Variants in GLRA2 observed in about 807,000 individuals in gnomAD.
GLRA2 encodes glycine receptor subunit alpha-2.
Under a neutral mutation model 31.6 loss-of-function variants are expected in GLRA2, and 11 were observed. That is an observed-to-expected ratio of 0.35 (90% CI 0.22 to 0.58). The LOEUF (loss-of-function observed/expected upper bound fraction) is 0.58, where lower values mean the gene tolerates loss of function less well. Among genes scored for constraint, GLRA2 ranks in the 20% least tolerant of loss-of-function variants. GLRA2 has a pLI of 0.84. For missense variants in GLRA2, 212 were observed against 351.8 expected (o/e 0.60, Z 3.18); for synonymous variants, 132 against 134.0 (o/e 0.99, Z 0.10).
chrX:14,653,361 T>A (rs1027777107), intron 7 of GLRA2, among the ~76,000 whole-genome samples: 2 of 112,056 alleles, frequency 1.8e-5, no homozygotes, highest in African/African-American at 6.5e-5. Flanking sequence ...CTGTGATTCA[T>A]GGAAGGAGGT....
intron 7 of GLRA2, among the ~76,000 whole-genome samples, chrX:14,644,866 T>G (rs1345524609): frequency 3.6e-5 from 4 of 112,092 alleles, no homozygotes; most frequent in Non-Finnish European, 7.5e-5. Context: ...TATCGGCTTT[T>G]CAGTTTGATA....
intron 2 of GLRA2, among the ~76,000 whole-genome samples, chrX:14,563,382 A>C (rs1194761569): frequency 8.9e-6 from 1 of 112,452 alleles, no homozygotes; most frequent in East Asian, 2.8e-4. Context: ...GACTATAGTG[A>C]CCACACATGA....
chrX:14,490,686 G>A, the GLRA2 span, among the ~76,000 whole-genome samples: 1 of 111,778 alleles, frequency 8.9e-6, no homozygotes, highest in African/African-American at 3.3e-5. Context: ...AACAAACAAT[G>A]AAAATCTTCT....
intron 7 of GLRA2, among the ~76,000 whole-genome samples, chrX:14,679,842 T>C (rs1233924014): frequency 8.9e-6 from 1 of 112,211 alleles, no homozygotes; most frequent in Admixed American, 9.5e-5. Context: ...CCATCTACTT[T>C]ATATCACTTA....
intron 8 of GLRA2, among the ~76,000 whole-genome samples, chrX:14,697,030 T>A (rs2091457651): frequency 9.0e-6 from 1 of 111,138 alleles, no homozygotes; most frequent in South Asian, 3.8e-4. Flanking sequence ...TATTTCCAAT[T>A]ATTTGTCCCT....
Position 14,530,122 on chromosome X carries a change from T to A in GLRA2, c.65T>A (p.Phe22Tyr). The A allele has an allele frequency of 8.7e-7, 1 of 1,154,173 alleles. No homozygotes were observed. Among genetic ancestry groups the A allele is most frequent in the Non-Finnish European group, 1.2e-6 (1 of 843,175 alleles). Residue 22 changes from phenylalanine (F) to tyrosine (Y), a missense_variant, in exon 1 of 9, where the codon TTC becomes TAC. Transcript: ENST00000218075. ...LFAFFLETNH[F>Y]RTAFCKDHDS... The stretch of plus-strand genomic sequence containing the variant: ...GCATTTTTCTTAGAGACAAACCACT[T>A]CAGGTAGGTGAAACGACTTTGCATG...
At chrX:14,657,239 G>C (rs888488741) in intron 7 of GLRA2, among the ~76,000 whole-genome samples, 1 of 111,997 alleles carries the variant, frequency 8.9e-6, no homozygotes, top group Admixed American at 9.5e-5. Context: ...CCAATATTGG[G>C]GCAGCACAAA....
chrX:14,449,688 T>C, the GLRA2 span, among the ~76,000 whole-genome samples: 1 of 112,346 alleles, frequency 8.9e-6, no homozygotes, highest in East Asian at 2.8e-4. Flanking sequence ...ATGTTTTGCC[T>C]GCAGCCTGGG....
chrX:14,586,768 A>T (rs1237213822), intron 4 of GLRA2, among the ~76,000 whole-genome samples: 1 of 112,319 alleles, frequency 8.9e-6, no homozygotes, highest in African/African-American at 3.2e-5. Context: ...ATGAAAGAAA[A>T]AAGGAGAAGG....
At chrX:14,566,424 C>T (rs762110261) in intron 2 of GLRA2, among the ~76,000 whole-genome samples, 1 of 112,055 alleles carries the variant, frequency 8.9e-6, no homozygotes, top group Admixed American at 9.4e-5. Context: ...AAGGAGGAAA[C>T]ACTTGTTAAC....
chrX:14,516,562 A>T, the GLRA2 span, among the ~76,000 whole-genome samples: 2 of 111,338 alleles, frequency 1.8e-5, no homozygotes, highest in Non-Finnish European at 3.8e-5. Context: ...AGTGAACCGT[A>T]CCTTCTGGAA....
intron 2 of GLRA2, among the ~76,000 whole-genome samples, chrX:14,550,830 C>T (rs1205914536): frequency 8.9e-6 from 1 of 112,129 alleles, no homozygotes; most frequent in Non-Finnish European, 1.9e-5. Flanking sequence ...AATTCTCAGA[C>T]AAAAGATGAA....
chrX:14,458,579 T>C, the GLRA2 span, among the ~76,000 whole-genome samples: 1 of 112,443 alleles, frequency 8.9e-6, no homozygotes, highest in Admixed American at 9.4e-5. Flanking sequence ...TGGTGCGAGA[T>C]GGTATCTCAC....
chrX:14,632,259 G>A (rs112657295), intron 7 of GLRA2, among the ~76,000 whole-genome samples: 23,412 of 109,736 alleles, frequency 0.21, 2,192 homozygotes, highest in Non-Finnish European at 0.3. Context: ...CAGGATGGAG[G>A]GTAAATGTGG....
the GLRA2 span, among the ~76,000 whole-genome samples, chrX:14,467,278 T>C: frequency 8.9e-5 from 10 of 111,885 alleles, no homozygotes; most frequent in Non-Finnish European, 1.5e-4. Flanking sequence ...CAGGTCAATG[T>C]TTCCCTAACT....
intron 4 of GLRA2, among the ~76,000 whole-genome samples, chrX:14,590,258 T>G (rs2090131903): frequency 9.0e-6 from 1 of 111,300 alleles, no homozygotes; most frequent in Non-Finnish European, 1.9e-5. Context: ...TAGAGAACTC[T>G]TGGGGATTGA....
the GLRA2 span, among the ~76,000 whole-genome samples, chrX:14,503,808 T>G: frequency 8.9e-6 from 1 of 111,905 alleles, no homozygotes; most frequent in Non-Finnish European, 1.9e-5. Context: ...GCTCTATCCC[T>G]GACCAATCAG....
chrX:14,521,205 A>G, the GLRA2 span, among the ~76,000 whole-genome samples: 2 of 112,192 alleles, frequency 1.8e-5, no homozygotes, highest in African/African-American at 3.2e-5. Flanking sequence ...GTAAAGCATT[A>G]TTTGTGGGTG....
intron 2 of GLRA2, among the ~76,000 whole-genome samples, chrX:14,542,567 T>G (rs185018357): frequency 1.8e-5 from 2 of 110,246 alleles, no homozygotes; most frequent in East Asian, 5.8e-4. Context: ...GTGAACTGGA[T>G]GAGTTGTAAT....
Sources: gnomAD v4.1 joint callset for allele counts (sites outside exome capture counted in the v4.1 genomes callset) on GRCh38, gnomAD v4.1.1 for gene constraint, MANE v1.5 for transcripts, NCBI Gene and HGNC (gene_info 2026-07-23, HGNC 2026-07-21) for gene names.